SLA2: variants seen among roughly 807,000 people sequenced by gnomAD.
SLA2 encodes the protein src-like-adapter 2.
Under a neutral mutation model 27.3 loss-of-function variants are expected in SLA2, and 22 were observed. The observed-to-expected ratio is 0.81, with a 90% confidence interval of 0.58 to 1.15. The LOEUF (loss-of-function observed/expected upper bound fraction) is 1.15, where lower values mean the gene tolerates loss of function less well. SLA2 is among the 50% of genes most tolerant of loss of function. SLA2 has a pLI of 0.00. For missense variants in SLA2, 304 were observed against 322.2 expected (o/e 0.94, Z 0.43); for synonymous variants, 131 against 137.8 (o/e 0.95, Z 0.34).
At chr20:36,632,832 G>A (rs969028871) in intron 4 of SLA2, 134 bp from the exon 5 acceptor site, 3 of 686,214 alleles carry the variant, frequency 4.4e-6, no homozygotes, top group South Asian at 3.6e-5. Flanking sequence ...TCTGCTCCAC[G>A]AAGAGCTGGG....
At chr20:36,641,515 C>A in intron 1 of SLA2, 137 bp from the exon 2 acceptor site, 1 of 548,842 alleles carries the variant, frequency 1.8e-6, no homozygotes, top group South Asian at 2.1e-5. Flanking sequence ...CAGGCTCCAG[C>A]CTCTCTGCCA....
intron 2 of SLA2, among the ~76,000 whole-genome samples, chr20:36,637,883 CTTTTTT>C (rs35354699): frequency 1.1e-5 from 1 of 89,364 alleles, no homozygotes; most frequent in African/African-American, 4.6e-5. Flanking sequence ...GCCTCGGCCT[CTTTTTT>C]TTTTTTTTTT....
chr20:36,613,767 C>T lies in SLA2; in HGVS notation c.*99G>A. The T allele has an allele frequency of 1.6e-6, 1 of 606,310 alleles. No individual in the cohort carries two copies. The highest frequency in any genetic ancestry group is 2.8e-6 in the Non-Finnish European group (1 of 355,714). 37.6% of individuals were successfully genotyped at this position (606,310 alleles called of 1,614,324 possible). On this transcript the variant is annotated 3_prime_UTR_variant, in exon 8 of 8. Transcript: ENST00000262866. Reference sequence around the variant, plus strand: ...AGATGCACCTCTGTGTCCCACCCTCCCTCCCTGAGTGCACAGCCTTGCCTC... The same window carrying T: ...AGATGCACCTCTGTGTCCCACCCTCTCTCCCTGAGTGCACAGCCTTGCCTC...
At chr20:36,635,521 G>A (rs71351033) in intron 2 of SLA2, among the ~76,000 whole-genome samples, 7 of 151,928 alleles carry the variant, frequency 4.6e-5, no homozygotes, top group African/African-American at 1.2e-4. Flanking sequence ...CCTGTGCTCC[G>A]GGTGGGCATG....
At chr20:36,627,514 A>G (rs2039351341) in intron 5 of SLA2, among the ~76,000 whole-genome samples, 1 of 152,210 alleles carries the variant, frequency 6.6e-6, no homozygotes, top group Non-Finnish European at 1.5e-5. Flanking sequence ...GATGCTCAGT[A>G]AGTGTTTCCC....
chr20:36,614,940 A>G lies in SLA2; in HGVS notation c.532+285T>C, dbSNP rs866029480. 7.1e-5 allele frequency: 70 copies of G among 985,244 alleles called. No individual in the cohort carries two copies. The African/African-American group carries it at 1.1e-3, about 16-fold the overall frequency. The allele number at this position is 985,244 out of a possible 1,614,324, so 61.0% of individuals were successfully genotyped here. On this transcript the variant is annotated intron_variant, in intron 6 of 7. Transcript: ENST00000262866. ...GCAGCTCTGTGCCCGGTTCCTGTGG[A>G]GAGAACTCTGCCTGCTGCCAGGGGC...
chr20:36,616,876 C>T (rs1256087961), intron 5 of SLA2, among the ~76,000 whole-genome samples: 2 of 151,398 alleles, frequency 1.3e-5, no homozygotes, highest in Admixed American at 1.3e-4. Context: ...GTGGTGAAAC[C>T]CCATCTCTAC....
chr20:36,639,755 G>A lies in SLA2; in HGVS notation c.91+1490C>T, dbSNP rs534463079. 7.2e-5 allele frequency among the ~76,000 whole-genome samples: 11 copies of A among 151,992 alleles called. No homozygotes were observed. The East Asian group carries it at 1.9e-3, about 27-fold the overall frequency. On this transcript the variant is annotated intron_variant, in intron 2 of 7. Transcript: ENST00000262866. ...GGGCACCTGTAGTCCCAGCTACTCG[G>A]GAGGCTGAGGCAGGAGAATGGCGTG...
Position 36,613,652 on chromosome 20 carries a change from A to G in SLA2, c.*214T>C. On this transcript the variant is annotated 3_prime_UTR_variant, in exon 8 of 8. Coordinates refer to ENST00000262866, the MANE Select transcript of SLA2 (RefSeq NM_032214.4). Reference sequence around the variant, plus strand: ...GTCCCACCTTCTCTGCACTCGCACTAGAGGTCGCAGGTGGGATCATGGCAC... The same window carrying G: ...GTCCCACCTTCTCTGCACTCGCACTGGAGGTCGCAGGTGGGATCATGGCAC... The G allele has an allele frequency of 1.9e-6, 1 of 513,422 alleles. No homozygotes were observed. The highest frequency in any genetic ancestry group is 3.4e-6 in the Non-Finnish European group (1 of 296,208). The allele number at this position is 513,422 out of a possible 1,614,324, so 31.8% of individuals were successfully genotyped here.
chr20:36,616,424 G>A (rs949517287), intron 5 of SLA2, among the ~76,000 whole-genome samples: 1 of 148,486 alleles, frequency 6.7e-6, no homozygotes, highest in African/African-American at 2.5e-5. Flanking sequence ...TCCGCCTCCT[G>A]GGTTGAAGTG....
chr20:36,616,866 G>A (rs567645385), intron 5 of SLA2, among the ~76,000 whole-genome samples: 99 of 152,082 alleles, frequency 6.5e-4, no homozygotes, highest in Non-Finnish European at 1.3e-3. Flanking sequence ...CCTGGCCAAC[G>A]TGGTGAAACC....
chr20:36,640,817 C>T (rs926426988), intron 2 of SLA2, among the ~76,000 whole-genome samples: 1 of 152,170 alleles, frequency 6.6e-6, no homozygotes, highest in Admixed American at 6.5e-5. Flanking sequence ...GTGCCCCACC[C>T]TGGCCTAAAA....
At chr20:36,621,615 G>C (rs1304688175) in intron 5 of SLA2, among the ~76,000 whole-genome samples, 1 of 147,792 alleles carries the variant, frequency 6.8e-6, no homozygotes, top group Non-Finnish European at 1.5e-5. Context: ...GACAGAGCAA[G>C]ACTCCATCTC....
At chr20:36,636,018 C>A (rs2039441011) in intron 2 of SLA2, among the ~76,000 whole-genome samples, 1 of 152,140 alleles carries the variant, frequency 6.6e-6, no homozygotes. Flanking sequence ...GGGTTTAGCA[C>A]CTGTCCCTGG....
chr20:36,615,458 G>C, intron 5 of SLA2, 84 bp from the exon 6 acceptor site: 1 of 1,566,074 alleles, frequency 6.4e-7, no homozygotes, highest in Non-Finnish European at 8.7e-7. Context: ...GATAGGCAAC[G>C]TGACCATGGG....
At position 36,614,317 on chromosome 20, in the gene SLA2, T is replaced by C. The variant is rs1335839977; in HGVS notation, c.653A>G (p.Lys218Arg). 2.3e-5 allele frequency: 37 copies of C among 1,614,196 alleles called. No homozygotes were observed. Among genetic ancestry groups the C allele is most frequent in the Non-Finnish European group, 3.1e-5 (36 of 1,180,028 alleles). The change falls in exon 7 of 8, where the codon AAA (lysine) becomes AGA (arginine). Residue 218 changes from lysine (K) to arginine (R), a missense_variant. Lys to Arg is a conservative substitution (Grantham distance 26, BLOSUM62 2). Transcript: ENST00000262866. ...VTVQRTPLNWKELDSSLLFSE... is the reference protein window; with the variant it reads ...VTVQRTPLNWRELDSSLLFSE... ...TCCCCAACTTTACCTGTCCAGCTCT[T>C]TCCAGTTGAGTGGTGTCCTCTGCAC...
Position 36,634,536 on chromosome 20 carries a change from C to G in SLA2, c.145G>C (p.Ala49Pro). 6.2e-7 allele frequency: 1 copy of G among 1,611,548 alleles called. No individual in the cohort carries two copies. The change falls in exon 3 of 8, where the codon GCC becomes CCC. Residue 49 changes from alanine (A) to proline (P), a missense_variant. Ala to Pro is a conservative substitution (Grantham distance 27). Coordinates refer to ENST00000262866, the MANE Select transcript of SLA2 (RefSeq NM_032214.4). ...TCCCCGAGTCTCAGCGACAGCTCGG[C>G]CGGGCCACCTGCCGGGAAACTGCCC... Reference protein sequence around the residue: ...ALGSFPAGGPAELSLRLGEPL... With the variant: ...ALGSFPAGGPPELSLRLGEPL...
chr20:36,636,500 G>A lies in SLA2; in HGVS notation c.92-1911C>T, dbSNP rs2039448807. ...CACGCCTGTAGTCCCAGCTACTCAG[G>A]AGGCTGAAGCAGGAGAATCACTTGA... On this transcript the variant is annotated intron_variant, in intron 2 of 7. Transcript: ENST00000262866. Among the ~76,000 whole-genome samples the A allele has an allele frequency of 2.0e-5, 3 of 149,426 alleles. No homozygotes were observed. In the South Asian group the frequency reaches 6.3e-4, roughly 31 times the overall value.
At chr20:36,640,461 G>A (rs1029444971) in intron 2 of SLA2, among the ~76,000 whole-genome samples, 2 of 151,162 alleles carry the variant, frequency 1.3e-5, no homozygotes, top group African/African-American at 4.9e-5. Context: ...CACTTACTAC[G>A]TGTGCTATTG....
Sources: gnomAD v4.1 joint callset for allele counts (sites outside exome capture counted in the v4.1 genomes callset) on GRCh38, gnomAD v4.1.1 for gene constraint, MANE v1.5 for transcripts, NCBI Gene and HGNC (gene_info 2026-07-23, HGNC 2026-07-21) for gene names.